The following FRAS1 variants were observed in gnomAD, a reference collection of about 807,000 sequenced individuals.
The protein encoded by FRAS1 is Fraser extracellular matrix complex subunit 1.
Under a neutral mutation model 435.2 loss-of-function variants are expected in FRAS1, and 290 were observed. That is an observed-to-expected ratio of 0.67 (90% CI 0.61 to 0.73). The LOEUF is 0.73. Among genes scored for constraint, FRAS1 ranks in the 30% least tolerant of loss-of-function variants. The pLI, the probability that FRAS1 is intolerant of heterozygous loss-of-function variation, is 0.00. For synonymous variants in FRAS1, 1,800 were observed against 1,851.0 expected, an observed-to-expected ratio of 0.97 and a Z score of 0.71; for missense variants, 4,860 against 5,001.5, an observed-to-expected ratio of 0.97 and a Z score of 0.85.
intron 4 of FRAS1, among the ~76,000 whole-genome samples, chr4:78,250,537 A>T (rs1360851310): frequency 6.6e-6 from 1 of 152,188 alleles, no homozygotes; most frequent in African/African-American, 2.4e-5. Flanking sequence ...GATAACATAT[A>T]AAAAGTGAAA....
At chr4:78,260,761 A>T (rs12641012) in intron 6 of FRAS1, among the ~76,000 whole-genome samples, 7,667 of 152,188 alleles carry the variant, frequency 0.05, 382 homozygotes, top group East Asian at 0.27. Flanking sequence ...GTGGTGAGAG[A>T]GGGCATCCCT....
chr4:78,280,629 G>C (rs1296252363), intron 10 of FRAS1, among the ~76,000 whole-genome samples: 1 of 147,502 alleles, frequency 6.8e-6, no homozygotes, highest in East Asian at 2.0e-4. Context: ...CAACCTTCCA[G>C]TGTTTCTGTA....
intron 41 of FRAS1, 35 bp from the exon 42 acceptor site, chr4:78,445,487 A>T: frequency 1.3e-6 from 2 of 1,496,866 alleles, no homozygotes; most frequent in Non-Finnish European, 1.8e-6. Context: ...GAATTGATAG[A>T]TCAAGGTAAA....
At chr4:78,416,250 AG>A (rs200349941) in intron 32 of FRAS1, among the ~76,000 whole-genome samples, 3,025 of 152,258 alleles carry the variant, frequency 0.02, 103 homozygotes, top group African/African-American at 0.068. Context: ...TGTAGTCAAA[AG>A]AAGTAGAAAG....
intron 2 of FRAS1, among the ~76,000 whole-genome samples, chr4:78,122,902 A>C (rs1476061738): frequency 6.6e-6 from 1 of 152,190 alleles, no homozygotes; most frequent in Non-Finnish European, 1.5e-5. Flanking sequence ...ATAGATTGCA[A>C]AAATTTTCTT....
chr4:78,464,597 T>A lies in FRAS1; in HGVS notation c.7029+14T>A. ...GCTGACACAGAGGTAAGAGCACTTC[T>A]TCCCATGGGTTCTCTGGCTAAATGA... is the stretch of plus-strand genomic sequence containing the variant. On this transcript the variant is annotated intron_variant, in intron 49 of 73. Coordinates refer to ENST00000512123, the MANE Select transcript of FRAS1 (RefSeq NM_025074.7). The A allele has an allele frequency of 6.2e-7, 1 of 1,612,620 alleles. No homozygotes were observed. Among genetic ancestry groups the A allele is most frequent in the Non-Finnish European group, 8.5e-7 (1 of 1,179,476 alleles).
At chr4:78,287,961 A>C (rs17003104) in intron 14 of FRAS1, among the ~76,000 whole-genome samples, 6,851 of 152,280 alleles carry the variant, frequency 0.045, 540 homozygotes, top group African/African-American at 0.15. Flanking sequence ...CAGAAATATC[A>C]CCTGCATGTC....
chr4:78,131,547 C>T (rs1719684136), intron 2 of FRAS1, among the ~76,000 whole-genome samples: 1 of 152,200 alleles, frequency 6.6e-6, no homozygotes, highest in Non-Finnish European at 1.5e-5. Flanking sequence ...AATGCCTGTG[C>T]TAAGTCTTCA....
At chr4:78,425,934 C>T (rs1259212464) in intron 35 of FRAS1, among the ~76,000 whole-genome samples, 1 of 152,100 alleles carries the variant, frequency 6.6e-6, no homozygotes, top group Non-Finnish European at 1.5e-5. Flanking sequence ...CCCAGGAGTT[C>T]AAGACCAGCC....
At chr4:78,194,941 T>C (rs1163123045) in intron 2 of FRAS1, among the ~76,000 whole-genome samples, 1 of 152,216 alleles carries the variant, frequency 6.6e-6, no homozygotes, top group Admixed American at 6.5e-5. Context: ...GATGTACAGA[T>C]GGGGTTTTCG....
At chr4:78,086,794 C>CA (rs1372884182) in intron 2 of FRAS1, among the ~76,000 whole-genome samples, 1 of 151,722 alleles carries the variant, frequency 6.6e-6, no homozygotes, top group Admixed American at 6.6e-5. Context: ...GCTTACCAAC[C>CA]AAAAAAAGTC....
Position 78,508,716 on chromosome 4 carries a change from G to C in FRAS1, c.9505-15G>C, listed in dbSNP as rs755189941. 1.2e-6 allele frequency: 2 copies of C among 1,613,382 alleles called. No individual in the cohort carries two copies. The highest frequency in any genetic ancestry group is 1.7e-6 in the Non-Finnish European group (2 of 1,179,638). On this transcript the variant is annotated splice_polypyrimidine_tract_variant and intron_variant, in intron 62 of 73. Transcript: ENST00000512123. ...AATACCCAACCTGAACTGAAGCTTT[G>C]TTGCTCTTTCGCAGGTGGTCACACT...
intron 14 of FRAS1, among the ~76,000 whole-genome samples, chr4:78,307,502 GC>G (rs1728813920): frequency 6.6e-6 from 1 of 152,186 alleles, no homozygotes; most frequent in Admixed American, 6.5e-5. Context: ...CTAGCAATCA[GC>G]GAGACTCCGT....
chr4:78,172,482 T>C (rs1490460594), intron 2 of FRAS1, among the ~76,000 whole-genome samples: 2 of 152,288 alleles, frequency 1.3e-5, no homozygotes, highest in African/African-American at 4.8e-5. Flanking sequence ...ACACTTTTTT[T>C]CTGACCTAGC....
At chr4:78,094,208 C>A (rs907234835) in intron 2 of FRAS1, among the ~76,000 whole-genome samples, 1 of 149,490 alleles carries the variant, frequency 6.7e-6, no homozygotes, top group Non-Finnish European at 1.5e-5. Flanking sequence ...AACTCTAGGC[C>A]ACACAACATC....
At chr4:78,085,009 A>G (rs1578112844) in intron 2 of FRAS1, among the ~76,000 whole-genome samples, 1 of 152,134 alleles carries the variant, frequency 6.6e-6, no homozygotes, top group South Asian at 2.1e-4. Context: ...ACACTGTGCT[A>G]TTACATGACT....
chr4:78,525,334 G>A (rs1298700896), intron 69 of FRAS1, among the ~76,000 whole-genome samples: 1 of 152,166 alleles, frequency 6.6e-6, no homozygotes, highest in Non-Finnish European at 1.5e-5. Context: ...CTCATTTCCT[G>A]CTGATCCAAG....
chr4:78,345,286 C>T (rs1025321483), intron 20 of FRAS1, among the ~76,000 whole-genome samples: 2 of 152,050 alleles, frequency 1.3e-5, no homozygotes, highest in African/African-American at 4.8e-5. Flanking sequence ...CTGGTAATTC[C>T]CATTTTGTTG....
chr4:78,482,882 A>G (rs1720055292), intron 58 of FRAS1, among the ~76,000 whole-genome samples: 1 of 152,226 alleles, frequency 6.6e-6, no homozygotes, highest in Admixed American at 6.5e-5. Context: ...ATGGGAGCAG[A>G]GGGAACTGAA....
Sources: gnomAD v4.1 joint callset for allele counts (sites outside exome capture counted in the v4.1 genomes callset) on GRCh38, gnomAD v4.1.1 for gene constraint, MANE v1.5 for transcripts, NCBI Gene and HGNC (gene_info 2026-07-23, HGNC 2026-07-21) for gene names.